HTR2C: variants seen among roughly 807,000 people sequenced by gnomAD.
HTR2C encodes 5-hydroxytryptamine (serotonin) receptor 2C, G protein-coupled.
A neutral mutation model predicts 21.0 loss-of-function variants in HTR2C; 5 were observed. That is an observed-to-expected ratio of 0.24 (90% CI 0.12 to 0.50). HTR2C has a LOEUF of 0.50. Ranked by LOEUF, HTR2C falls within the 20% of genes least tolerant of loss-of-function variation. HTR2C has a pLI of 0.98. For missense variants in HTR2C, 271 were observed against 371.2 expected (o/e 0.73, Z 2.22); for synonymous variants, 150 against 145.3 (o/e 1.03, Z -0.23).
At chrX:114,735,599 A>G (rs2147350153) in intron 4 of HTR2C, among the ~76,000 whole-genome samples, 1 of 111,048 alleles carries the variant, frequency 9.0e-6, no homozygotes, top group East Asian at 2.9e-4. Flanking sequence ...GGAGAGTAGA[A>G]TCATTTCGTT....
chrX:114,870,760 T>G (rs2071086002), intron 5 of HTR2C, among the ~76,000 whole-genome samples: 1 of 111,963 alleles, frequency 8.9e-6, no homozygotes, highest in Non-Finnish European at 1.9e-5. Flanking sequence ...GCATTATCAG[T>G]TGTAATGTCT....
chrX:114,723,985 A>G (rs1933334314), intron 2 of HTR2C, among the ~76,000 whole-genome samples: 1 of 99,088 alleles, frequency 1.0e-5, no homozygotes, highest in Non-Finnish European at 2.0e-5. Flanking sequence ...AAAAAAATGT[A>G]TATTCTGTTG....
At chrX:114,759,803 C>G (rs10127225) in intron 4 of HTR2C, among the ~76,000 whole-genome samples, 1 of 111,274 alleles carries the variant, frequency 9.0e-6, no homozygotes, top group South Asian at 3.8e-4. Flanking sequence ...TCTCACACTT[C>G]GTGGAGTAAC....
At chrX:114,638,630 T>A (rs1247913864) in intron 2 of HTR2C, among the ~76,000 whole-genome samples, 1 of 103,565 alleles carries the variant, frequency 9.7e-6, no homozygotes, top group Non-Finnish European at 2.0e-5. Context: ...ACCCACTAGC[T>A]CGTCATCTAG....
chrX:114,774,211 T>C (rs2070033592), intron 4 of HTR2C, among the ~76,000 whole-genome samples: 2 of 111,533 alleles, frequency 1.8e-5, no homozygotes, highest in Admixed American at 9.6e-5. Flanking sequence ...TAAAAAATAA[T>C]GAACAACATG....
At chrX:114,725,672 G>T (rs1272427900) in intron 2 of HTR2C, among the ~76,000 whole-genome samples, 2 of 110,612 alleles carry the variant, frequency 1.8e-5, no homozygotes, top group East Asian at 5.8e-4. Flanking sequence ...TTTGATGATG[G>T]TGATGTACAG....
intron 4 of HTR2C, among the ~76,000 whole-genome samples, chrX:114,825,586 T>C (rs2070671372): frequency 9.0e-6 from 1 of 111,610 alleles, no homozygotes; most frequent in South Asian, 3.7e-4. Flanking sequence ...ATGTGTACTT[T>C]CCTGTTGTCA....
At chrX:114,905,220 G>A (rs782403105) in intron 5 of HTR2C, among the ~76,000 whole-genome samples, 14 of 111,112 alleles carry the variant, frequency 1.3e-4, no homozygotes, top group Non-Finnish European at 2.6e-4. Context: ...ATCTGTTGTG[G>A]CTTCCTCACC....
At chrX:114,659,513 C>T (rs1400993269) in intron 2 of HTR2C, among the ~76,000 whole-genome samples, 2 of 111,035 alleles carry the variant, frequency 1.8e-5, no homozygotes, top group Admixed American at 1.9e-4. Flanking sequence ...CAAACTGAAA[C>T]ATTATACAAA....
At chrX:114,862,454 C>A (rs139619422) in intron 5 of HTR2C, among the ~76,000 whole-genome samples, 129 of 110,472 alleles carry the variant, frequency 1.2e-3, no homozygotes, top group Non-Finnish European at 1.9e-3. Context: ...ATTATTTTGG[C>A]TATTTGGGGT....
intron 4 of HTR2C, among the ~76,000 whole-genome samples, chrX:114,835,786 T>G (rs1472140739): frequency 2.7e-5 from 3 of 111,427 alleles, no homozygotes; most frequent in East Asian, 5.7e-4. Context: ...GGCGCTCTGC[T>G]TTTTAGAGTT....
intron 2 of HTR2C, among the ~76,000 whole-genome samples, chrX:114,617,396 C>T (rs1453693632): frequency 9.0e-6 from 1 of 111,731 alleles, no homozygotes; most frequent in African/African-American, 3.3e-5. Flanking sequence ...GCTGTGATCA[C>T]ACCACTACAT....
intron 4 of HTR2C, among the ~76,000 whole-genome samples, chrX:114,828,145 C>T (rs191851251): frequency 5.2e-4 from 58 of 111,280 alleles, no homozygotes; most frequent in African/African-American, 1.9e-3. Context: ...AATTTTTTCA[C>T]ACTGTTGTTC....
At chrX:114,762,571 T>C (rs1402802281) in intron 4 of HTR2C, among the ~76,000 whole-genome samples, 1 of 111,981 alleles carries the variant, frequency 8.9e-6, no homozygotes, top group Non-Finnish European at 1.9e-5. Flanking sequence ...GGTGGTACCA[T>C]ATCCCTAGAT....
rs1286116581 is a variant in HTR2C, at chrX:114,591,286, G to A, written c.-147+6627G>A. Among the ~76,000 whole-genome samples the A allele has an allele frequency of 3.6e-5, 4 of 111,193 alleles. No individual in the cohort carries two copies. The East Asian group carries it at 8.4e-4, about 23-fold the overall frequency. ...GAAGGAAGTAAAACAAGGAAGATCTGGTGTCTCTCCAACAAATATTTTTTG... is the reference window on the plus strand; with the variant it reads ...GAAGGAAGTAAAACAAGGAAGATCTAGTGTCTCTCCAACAAATATTTTTTG... On this transcript the variant is annotated intron_variant, in intron 1 of 5. Coordinates refer to ENST00000276198, the MANE Select transcript of HTR2C (RefSeq NM_000868.4).
chrX:114,780,774 C>G (rs373125341), intron 4 of HTR2C, among the ~76,000 whole-genome samples: 1 of 111,857 alleles, frequency 8.9e-6, no homozygotes, highest in Non-Finnish European at 1.9e-5. Context: ...AAAGCAACCC[C>G]ATTCTAAAAA....
chrX:114,642,859 C>A (rs983672050), intron 2 of HTR2C, among the ~76,000 whole-genome samples: 2 of 111,258 alleles, frequency 1.8e-5, no homozygotes, highest in African/African-American at 6.5e-5. Flanking sequence ...TATGAATTTT[C>A]AGTTTACAAC....
Position 114,607,089 on chromosome X carries a change from A to G in HTR2C, c.-146-6726A>G, listed in dbSNP as rs930940272. On this transcript the variant is annotated intron_variant, in intron 1 of 5. Coordinates refer to ENST00000276198, the MANE Select transcript of HTR2C (RefSeq NM_000868.4). Reference sequence around the variant, plus strand: ...TTATCACTTAAGGCAAGGACCGGCCATTTACACTTCTTTTGTGGTGGAATG... The same window carrying G: ...TTATCACTTAAGGCAAGGACCGGCCGTTTACACTTCTTTTGTGGTGGAATG... 1.2e-3 allele frequency among the ~76,000 whole-genome samples: 126 copies of G among 109,432 alleles called. 1 individual carries two copies. Among genetic ancestry groups the G allele is most frequent in the Non-Finnish European group, 2.1e-3 (109 of 52,725 alleles).
At chrX:114,633,328 T>C in intron 2 of HTR2C, among the ~76,000 whole-genome samples, 1 of 112,348 alleles carries the variant, frequency 8.9e-6, no homozygotes, top group East Asian at 2.8e-4. Context: ...GACACAAACA[T>C]CTGCCTGTAG....
Sources: allele counts gnomAD v4.1 joint callset (sites outside exome capture counted in the v4.1 genomes callset), GRCh38; gene constraint gnomAD v4.1.1; transcripts MANE v1.5; gene names NCBI Gene and HGNC (gene_info 2026-07-23, HGNC 2026-07-21).